The following KCNV1 variants were observed in gnomAD, a reference collection of about 807,000 sequenced individuals.
KCNV1 encodes potassium voltage-gated channel modifier subfamily V member 1, also known as potassium voltage-gated channel subfamily V member 1.
KCNV1 carries 2 observed loss-of-function variants against 36.4 expected under a neutral mutation model. The observed-to-expected ratio is 0.05, with a 90% CI of 0.02 to 0.17. The LOEUF is 0.17. KCNV1 is among the 10% of genes least tolerant of loss of function. KCNV1 has a pLI of 1.00. For synonymous variants in KCNV1, 280 were observed against 261.1 expected (o/e 1.07, Z -0.70); for missense variants, 321 against 643.6 (o/e 0.50, Z 5.42).
chr8:109,974,481 G>C lies in KCNV1; in HGVS notation c.-93C>G. On this transcript the variant is annotated 5_prime_UTR_variant, in exon 2 of 4. Coordinates refer to ENST00000524391, the MANE Select transcript of KCNV1 (RefSeq NM_014379.4). The surrounding 1 kb of genome is among the most constrained non-coding windows in gnomAD (Gnocchi z 6.2). ...CGAGGGCGGTGGCACGGCCCCTGGT[G>C]GCGGCCGGGATTCCCCGGGCTCCCG... 1 of 936,674 alleles carries C rather than the reference G, an allele frequency of 1.1e-6. No homozygotes were observed. Among genetic ancestry groups the C allele is most frequent in the Non-Finnish European group, 1.5e-6 (1 of 645,352 alleles). 58.0% of individuals were successfully genotyped at this position (936,674 alleles called of 1,614,324 possible).
At chr8:109,969,787 G>T (rs973900847) in intron 3 of KCNV1, among the ~76,000 whole-genome samples, 54 of 151,134 alleles carry the variant, frequency 3.6e-4, no homozygotes, top group African/African-American at 1.3e-3. Flanking sequence ...GAAGGTTGCA[G>T]TGAGCCAAGA....
rs1394181643 is a variant in KCNV1, at chr8:109,966,956, G to C, written c.*1132C>G. 6.6e-6 allele frequency: 1 copy of C among 152,014 alleles called. No individual in the cohort carries two copies. The highest frequency in any genetic ancestry group is 2.4e-5 in the African/African-American group (1 of 41,412). The allele number at this position is 152,014 out of a possible 1,614,324, so 9.4% of individuals were successfully genotyped here. ...AGTGATGCATTCCTTGTTATTCTTAGGTTGTAGAATCTCATTTACTAAAAT... is the reference window on the plus strand; with the variant it reads ...AGTGATGCATTCCTTGTTATTCTTACGTTGTAGAATCTCATTTACTAAAAT... On this transcript the variant is annotated 3_prime_UTR_variant, in exon 4 of 4. Transcript: ENST00000524391.
chr8:109,974,646 A>C lies in KCNV1; in HGVS notation c.-258T>G. ...AGGGAGCAGAGGAAGGGTCGCGCTA[A>C]GAGAGAGGATCAGGTGAGGTCCAAG... On this transcript the variant is annotated 5_prime_UTR_variant, in exon 2 of 4. Coordinates refer to ENST00000524391, the MANE Select transcript of KCNV1 (RefSeq NM_014379.4). The surrounding 1 kb of genome is among the most constrained non-coding windows in gnomAD (Gnocchi z 6.2). The C allele has an allele frequency of 1.8e-6, 1 of 552,914 alleles. No individual in the cohort carries two copies. Among genetic ancestry groups the C allele is most frequent in the East Asian group, 3.0e-5 (1 of 32,788 alleles). 34.3% of individuals were successfully genotyped at this position (552,914 alleles called of 1,614,324 possible).
In KCNV1 at chr8:109,965,793, G is replaced by C. The variant is rs938136231; in HGVS notation, c.*2295C>G. 5 of 152,162 alleles carry C rather than the reference G, an allele frequency of 3.3e-5. No homozygotes were observed. Among genetic ancestry groups the C allele is most frequent in the Non-Finnish European group, 7.4e-5 (5 of 68,026 alleles). The allele number at this position is 152,162 out of a possible 1,614,324, so 9.4% of individuals were successfully genotyped here. ...TTCTCCATGCACAAGAAGTTGGCTT[G>C]CCTGCCTAAAAAATAAATTTCTATG... On this transcript the variant is annotated 3_prime_UTR_variant, in exon 4 of 4. Transcript: ENST00000524391.
intron 2 of KCNV1, among the ~76,000 whole-genome samples, chr8:109,973,064 G>A (rs1820031894): frequency 6.7e-6 from 1 of 149,072 alleles, no homozygotes; most frequent in African/African-American, 2.5e-5. Context: ...TGTAGCCTCC[G>A]CTTCCCAGGT....
rs1253780516 is a variant in KCNV1, at chr8:109,969,022, G to A, written c.992-423C>T. ...ACCTGCATTTCAATGCATCATTTTA[G>A]CACTTGTTTCAAATGCCAGTTTTAT... On this transcript the variant is annotated intron_variant, in intron 3 of 3. Coordinates refer to ENST00000524391, the MANE Select transcript of KCNV1 (RefSeq NM_014379.4). Among the ~76,000 whole-genome samples, 3 of 152,050 alleles carry A rather than the reference G, an allele frequency of 2.0e-5. No homozygotes were observed. In the East Asian group the frequency reaches 5.8e-4, roughly 29 times the overall value.
At position 109,972,804 on chromosome 8, in the gene KCNV1, T is replaced by A; in HGVS notation, c.462-17A>T. On this transcript the variant is annotated splice_polypyrimidine_tract_variant and intron_variant, in intron 2 of 3. Transcript: ENST00000524391. This position sits in a 1 kb window ranked among gnomAD's most constrained non-coding sequence, Gnocchi z 5.2. ...CTGAAGTATCTTTTAGAGAAAACAA[T>A]TTGGTGATTAGTCTAACTTTATTAA... 1.3e-6 allele frequency: 2 copies of A among 1,554,912 alleles called. No individual in the cohort carries two copies. The highest frequency in any genetic ancestry group is 1.7e-6 in the Non-Finnish European group (2 of 1,153,818).
intron 2 of KCNV1, 140 bp downstream of exon 2, chr8:109,973,786 CTG>C: frequency 2.2e-6 from 1 of 462,114 alleles, no homozygotes; most frequent in Non-Finnish European, 3.7e-6. Context: ...CCCACCCCAC[CTG>C]TCAGCCCAGA....
Position 109,974,037 on chromosome 8 carries a change from G to A in KCNV1, c.352C>T (p.Arg118Cys), listed in dbSNP as rs768951983. 6.2e-7 allele frequency: 1 copy of A among 1,613,320 alleles called. No homozygotes were observed. Among genetic ancestry groups the A allele is most frequent in the Non-Finnish European group, 8.5e-7 (1 of 1,179,906 alleles). ...TCCATGACATGCAGGCGGCCGGTGC[G>A]GTAGTAGTGCAGGACATATCGGAAC... is the stretch of plus-strand genomic sequence containing the variant. ...QAFRYVLHYYRTGRLHVMEQL... is the reference protein window; with the variant it reads ...QAFRYVLHYYCTGRLHVMEQL... Residue 118 changes from arginine (R) to cysteine (C), a missense_variant, in exon 2 of 4, where the codon CGC becomes TGC. Around this residue, in one of 5 missense-constraint regions of KCNV1, gnomAD observed 60 missense variants for 160.5 expected, o/e 0.37. Coordinates refer to ENST00000524391, the MANE Select transcript of KCNV1 (RefSeq NM_014379.4). The surrounding 1 kb of genome is among the most constrained non-coding windows in gnomAD (Gnocchi z 6.2).
chr8:109,969,569 G>T lies in KCNV1; in HGVS notation c.992-970C>A, dbSNP rs562266378. Among the ~76,000 whole-genome samples the T allele has an allele frequency of 3.4e-4, 52 of 152,230 alleles. 1 individual carries two copies. Among genetic ancestry groups the T allele is most frequent in the Admixed American group, 3.3e-3 (51 of 15,280 alleles). On this transcript the variant is annotated intron_variant, in intron 3 of 3. Coordinates refer to ENST00000524391, the MANE Select transcript of KCNV1 (RefSeq NM_014379.4). ...GGGGAGTAAGAGCCCATTATGGGCC[G>T]GGCACGGTGGCTCACGCCTATAATC...
At position 109,968,108 on chromosome 8, in the gene KCNV1, C is replaced by G; in HGVS notation, c.1483G>C (p.Gly495Arg). 1 of 1,608,338 alleles carries G rather than the reference C, an allele frequency of 6.2e-7. No homozygotes were observed. Reference sequence around the variant, plus strand: ...TTAATTCAAAACCAGAAATCATCTCCCCCGCTGCTCCTAGTACTTGCTCTT... The same window carrying G: ...TTAATTCAAAACCAGAAATCATCTCGCCCGCTGCTCCTAGTACTTGCTCTT... ...RERASTRSSG[G>R]DDFWF The change falls in exon 4 of 4, where the codon GGA (glycine) becomes CGA (arginine). Residue 495 changes from glycine to arginine, a missense_variant. By Grantham distance (125) the Gly-to-Arg change is moderately radical (BLOSUM62 -2). Coordinates refer to ENST00000524391, the MANE Select transcript of KCNV1 (RefSeq NM_014379.4). This position sits in a 1 kb window ranked among gnomAD's most constrained non-coding sequence, Gnocchi z 5.3.
At chr8:109,970,764 G>A (rs187021935) in intron 3 of KCNV1, among the ~76,000 whole-genome samples, 6 of 152,244 alleles carry the variant, frequency 3.9e-5, no homozygotes, top group Admixed American at 3.9e-4. Flanking sequence ...AGACATTGTG[G>A]AAATCACTGT....
Position 109,972,427 on chromosome 8 carries a change from C to T in KCNV1, c.822G>A (p.Val274=), listed in dbSNP as rs753266575. The T allele has an allele frequency of 2.5e-6, 4 of 1,614,174 alleles. No homozygotes were observed. Among genetic ancestry groups the T allele is most frequent in the South Asian group, 1.1e-5 (1 of 91,086 alleles). The change falls in exon 3 of 4, where the codon GTG becomes GTA. Residue 274 remains valine (V), a synonymous_variant. Transcript: ENST00000524391. This position sits in a 1 kb window ranked among gnomAD's most constrained non-coding sequence, Gnocchi z 5.2. Reference sequence around the variant, plus strand: ...TGGCAAGGAGGTCTATGATGTTTGGCACCTTTCTTAGGAAGCGACACCTGT... The same window carrying T: ...TGGCAAGGAGGTCTATGATGTTTGGTACCTTTCTTAGGAAGCGACACCTGT... ...VRDRCRFLRK[V]PNIIDLLAIL... is the part of the protein sequence containing the mutation.
rs748736647 is a variant in KCNV1 at position 109,968,391 on chromosome 8, T to C, written c.1200A>G (p.Pro400=). 2 of 1,614,228 alleles carry C rather than the reference T, an allele frequency of 1.2e-6. No individual in the cohort carries two copies. Among genetic ancestry groups the C allele is most frequent in the Admixed American group, 1.7e-5 (1 of 60,022 alleles). Residue 400 remains proline, a synonymous_variant, in exon 4 of 4, where the codon CCA becomes CCG. Coordinates refer to ENST00000524391, the MANE Select transcript of KCNV1 (RefSeq NM_014379.4). This position sits in a 1 kb window ranked among gnomAD's most constrained non-coding sequence, Gnocchi z 5.3. ...MTTVGYGDIR[P]DTTTGKIVAF... ...CCACGATTTTGCCTGTGGTGGTGTC[T>C]GGTCTAATGTCCCCATATCCCACAG...
rs2130893533 is a variant in KCNV1 at position 109,964,515 on chromosome 8, A to C, written c.*3573T>G. The stretch of plus-strand genomic sequence containing the variant: ...AATGGGTATATACCCAAGAAATATA[A>C]ATTGTTTTATTATAAAGATACATGC... On this transcript the variant is annotated 3_prime_UTR_variant, in exon 4 of 4. Coordinates refer to ENST00000524391, the MANE Select transcript of KCNV1 (RefSeq NM_014379.4). 1 of 152,258 alleles carries C rather than the reference A, an allele frequency of 6.6e-6. No individual in the cohort carries two copies. The highest frequency in any genetic ancestry group is 3.4e-3 in the Middle Eastern group (1 of 294). 9.4% of individuals were successfully genotyped at this position (152,258 alleles called of 1,614,324 possible).
In KCNV1 at chr8:109,968,707, C is replaced by A. The variant is rs1248328807; in HGVS notation, c.992-108G>T. On this transcript the variant is annotated intron_variant, in intron 3 of 3. Coordinates refer to ENST00000524391, the MANE Select transcript of KCNV1 (RefSeq NM_014379.4). The surrounding 1 kb of genome is among the most constrained non-coding windows in gnomAD (Gnocchi z 5.3). ...TGCCACCCACAAACTGCACTGCACA[C>A]TTAAATGTCCCCAGCACTGGGCAAT... 4.7e-6 allele frequency: 5 copies of A among 1,069,996 alleles called. No individual in the cohort carries two copies. The highest frequency in any genetic ancestry group is 1.6e-5 in the South Asian group (1 of 63,142). 66.3% of individuals were successfully genotyped at this position (1,069,996 alleles called of 1,614,324 possible).
chr8:109,972,474 G>A lies in KCNV1; in HGVS notation c.775C>T (p.Leu259Phe). Reference protein sequence around the residue: ...CISWFTGEFVLRFLCVRDRCR... With the variant: ...CISWFTGEFVFRFLCVRDRCR... ...CTGTCCCGCACACACAGGAAGCGGA[G>A]GACAAACTCCCCGGTGAACCAGCTA... is the stretch of plus-strand genomic sequence containing the variant. The change falls in exon 3 of 4, where the codon CTC becomes TTC. Residue 259 changes from leucine to phenylalanine, a missense_variant. Leu to Phe is a conservative substitution (Grantham distance 22). Transcript: ENST00000524391. The surrounding 1 kb of genome is among the most constrained non-coding windows in gnomAD (Gnocchi z 5.2). 3 of 1,614,190 alleles carry A rather than the reference G, an allele frequency of 1.9e-6. No homozygotes were observed. The highest frequency in any genetic ancestry group is 2.7e-5 in the African/African-American group (2 of 75,046).
Position 109,975,713 on chromosome 8 carries a change from C to T in KCNV1, c.-899G>A, listed in dbSNP as rs1195779674. 6.5e-6 allele frequency: 1 copy of T among 152,682 alleles called. No homozygotes were observed. The highest frequency in any genetic ancestry group is 2.1e-4 in the South Asian group (1 of 4,830). 9.5% of individuals were successfully genotyped at this position (152,682 alleles called of 1,614,324 possible). A position where few individuals can be genotyped will look rare whatever the true frequency, so the allele number is the denominator to read the frequency against. On this transcript the variant is annotated 5_prime_UTR_variant, in exon 1 of 4. Coordinates refer to ENST00000524391, the MANE Select transcript of KCNV1 (RefSeq NM_014379.4). ...CTTAGTCTACACGTGAGGTCTGACT[C>T]GACCGGTCCAGGAGGGAAACTGTGT...
intron 3 of KCNV1, among the ~76,000 whole-genome samples, chr8:109,970,293 G>A (rs4735145): frequency 0.19 from 29,000 of 152,130 alleles, 5,038 homozygotes; most frequent in African/African-American, 0.47. Context: ...TAAATTCACA[G>A]CATATGAGGA....
Sources: allele counts gnomAD v4.1 joint callset (sites outside exome capture counted in the v4.1 genomes callset), GRCh38; gene constraint gnomAD v4.1.1; regional missense constraint gnomAD v4.1.1; non-coding constraint Gnocchi (gnomAD v3.1); transcripts MANE v1.5; gene names NCBI Gene and HGNC (gene_info 2026-07-23, HGNC 2026-07-21).